The following MAPKAP1 variants were observed in gnomAD, a reference collection of about 807,000 sequenced individuals.
The protein encoded by MAPKAP1 is target of rapamycin complex 2 subunit MAPKAP1.
A neutral mutation model predicts 65.7 loss-of-function variants in MAPKAP1; 20 were observed. The observed-to-expected ratio is 0.30, with a 90% CI of 0.21 to 0.44. The LOEUF (loss-of-function observed/expected upper bound fraction) is 0.44, where lower values mean the gene tolerates loss of function less well. Among genes scored for constraint, MAPKAP1 ranks in the 20% least tolerant of loss-of-function variants. MAPKAP1 has a pLI of 1.00. For synonymous variants in MAPKAP1, 222 were observed against 244.3 expected, an observed-to-expected ratio of 0.91 and a Z score of 0.85; for missense variants, 423 against 648.0, an observed-to-expected ratio of 0.65 and a Z score of 3.77.
chr9:125,660,785 A>C (rs1834162363), intron 3 of MAPKAP1, among the ~76,000 whole-genome samples: 1 of 152,092 alleles, frequency 6.6e-6, no homozygotes, highest in Non-Finnish European at 1.5e-5. Context: ...TGTTATCATC[A>C]CCTTAAAACC....
At chr9:125,609,784 T>C (rs1832547319) in intron 4 of MAPKAP1, among the ~76,000 whole-genome samples, 1 of 152,226 alleles carries the variant, frequency 6.6e-6, no homozygotes, top group Non-Finnish European at 1.5e-5. Context: ...TGTTTCACAT[T>C]TAACACTCTA....
rs2132935291 is a variant in MAPKAP1 at position 125,447,524 on chromosome 9, C to T, written c.1346-2926G>A. The T allele has an allele frequency of 2.2e-6, 1 of 456,318 alleles. No homozygotes were observed. Among genetic ancestry groups the T allele is most frequent in the African/African-American group, 2.0e-5 (1 of 50,160 alleles). The allele number at this position is 456,318 out of a possible 1,614,324, so 28.3% of individuals were successfully genotyped here. A position where few individuals can be genotyped will look rare whatever the true frequency, so the allele number is the denominator to read the frequency against. On this transcript the variant is annotated intron_variant, in intron 10 of 11. Coordinates refer to ENST00000265960, the MANE Select transcript of MAPKAP1 (RefSeq NM_001006617.3). This position sits in a 1 kb window ranked among gnomAD's most constrained non-coding sequence, Gnocchi z 4.5. ...GGGCAGGTTAAGATCAGCAGCCATG[C>T]TGGGCCATAGGACATGGGGCGGACT...
chr9:125,606,710 T>C (rs1220274791), intron 4 of MAPKAP1, among the ~76,000 whole-genome samples: 1 of 152,196 alleles, frequency 6.6e-6, no homozygotes, highest in Non-Finnish European at 1.5e-5. Flanking sequence ...TAGCCAACAC[T>C]GCAGATGCTG....
chr9:125,665,818 A>AG (rs1366723462), intron 3 of MAPKAP1, among the ~76,000 whole-genome samples: 1 of 152,228 alleles, frequency 6.6e-6, no homozygotes, highest in Admixed American at 6.5e-5. Context: ...AACCAATAAT[A>AG]GAAGTTACAC....
intron 1 of MAPKAP1, among the ~76,000 whole-genome samples, chr9:125,687,857 T>C (rs1226487039): frequency 6.6e-6 from 1 of 152,214 alleles, no homozygotes; most frequent in Admixed American, 6.5e-5. Context: ...TATTACTGAC[T>C]TTTCCTATTC....
chr9:125,703,434 A>G (rs1810674834), intron 1 of MAPKAP1, among the ~76,000 whole-genome samples: 2 of 152,182 alleles, frequency 1.3e-5, no homozygotes, highest in Admixed American at 1.3e-4. Flanking sequence ...CTTCACAAAA[A>G]CTTCGAACTC....
At chr9:125,665,840 T>C (rs949667284) in intron 3 of MAPKAP1, among the ~76,000 whole-genome samples, 1 of 152,206 alleles carries the variant, frequency 6.6e-6, no homozygotes, top group African/African-American at 2.4e-5. Context: ...AAACTTCAGG[T>C]ACATGTAAAT....
intron 7 of MAPKAP1, among the ~76,000 whole-genome samples, chr9:125,527,648 TG>T (rs939013654): frequency 1.3e-5 from 2 of 152,190 alleles, no homozygotes; most frequent in African/African-American, 4.8e-5. Flanking sequence ...ACACGTCCTT[TG>T]GAAAGTGAGT....
intron 9 of MAPKAP1, among the ~76,000 whole-genome samples, chr9:125,482,290 C>A (rs932390641): frequency 1.3e-5 from 2 of 152,168 alleles, no homozygotes; most frequent in African/African-American, 4.8e-5. Flanking sequence ...TTCCCAGAAG[C>A]CCTTCTCCAG....
At chr9:125,473,796 T>C (rs1162503929) in intron 9 of MAPKAP1, among the ~76,000 whole-genome samples, 3 of 152,216 alleles carry the variant, frequency 2.0e-5, no homozygotes, top group Non-Finnish European at 2.9e-5. Flanking sequence ...TAGCCTATCT[T>C]ACATTTAAAG....
chr9:125,544,165 C>G (rs572303082), intron 6 of MAPKAP1, among the ~76,000 whole-genome samples: 1 of 152,058 alleles, frequency 6.6e-6, no homozygotes, highest in Non-Finnish European at 1.5e-5. Context: ...CGCCTGCCAC[C>G]GTGCCTGGCT....
At chr9:125,650,323 C>T (rs1833857347) in intron 4 of MAPKAP1, 1 of 152,210 alleles carries the variant, frequency 6.6e-6, no homozygotes, top group Admixed American at 6.5e-5. Context: ...CAAGGCTTCC[C>T]CGTGCCATGA....
At chr9:125,539,359 T>C (rs1830172301) in intron 7 of MAPKAP1, among the ~76,000 whole-genome samples, 2 of 152,226 alleles carry the variant, frequency 1.3e-5, no homozygotes, top group Admixed American at 6.5e-5. Context: ...ATCACCTCTA[T>C]TTCATAATGA....
Position 125,672,329 on chromosome 9 carries a change from T to C in MAPKAP1, c.246A>G (p.Arg82=). ...CACAATGTTTACCTGTGTTTGAGCGTCTTCTAATACCAAAGTCCCAACTTG... is the reference window on the plus strand; with the variant it reads ...CACAATGTTTACCTGTGTTTGAGCGCCTTCTAATACCAAAGTCCCAACTTG... ...ITSSWDFGIR[R]RSNTAQRLER... Residue 82 remains arginine, a synonymous_variant, in exon 2 of 12, where the codon AGA becomes AGG. Coordinates refer to ENST00000265960, the MANE Select transcript of MAPKAP1 (RefSeq NM_001006617.3). 6.2e-7 allele frequency: 1 copy of C among 1,614,152 alleles called. No individual in the cohort carries two copies. The highest frequency in any genetic ancestry group is 8.5e-7 in the Non-Finnish European group (1 of 1,180,012).
intron 9 of MAPKAP1, chr9:125,471,121 G>GCGCAGGCAGCAC (rs1554807070): frequency 6.6e-6 from 1 of 152,224 alleles, no homozygotes; most frequent in Non-Finnish European, 1.5e-5. Flanking sequence ...TCTTAAGGCA[G>GCGCAGGCAGCAC]CGCAGGCAGC....
At chr9:125,614,281 T>C (rs1832683901) in intron 4 of MAPKAP1, among the ~76,000 whole-genome samples, 1 of 151,960 alleles carries the variant, frequency 6.6e-6, no homozygotes, top group Non-Finnish European at 1.5e-5. Context: ...GCTGAGTTTA[T>C]TGTATCAAAT....
rs191186827 is a variant in MAPKAP1 at position 125,479,502 on chromosome 9, C to T, written c.1207+4941G>A. 1.2e-3 allele frequency among the ~76,000 whole-genome samples: 177 copies of T among 152,108 alleles called. 1 individual carries two copies. The Middle Eastern group carries it at 0.027, about 23-fold the overall frequency. On this transcript the variant is annotated intron_variant, in intron 9 of 11. Coordinates refer to ENST00000265960, the MANE Select transcript of MAPKAP1 (RefSeq NM_001006617.3). Reference sequence around the variant, plus strand: ...GGCTGAGGCAGAAGAATTGCTTGAACCCGGGAGGCGGAGGTTGCAGTGAGC... The same window carrying T: ...GGCTGAGGCAGAAGAATTGCTTGAATCCGGGAGGCGGAGGTTGCAGTGAGC...
intron 4 of MAPKAP1, among the ~76,000 whole-genome samples, chr9:125,624,383 T>G (rs1169126923): frequency 1.1e-4 from 5 of 45,384 alleles, no homozygotes; most frequent in Non-Finnish European, 1.4e-4. Flanking sequence ...GGGAGGGAGG[T>G]GGGGGGGTCG....
intron 5 of MAPKAP1, among the ~76,000 whole-genome samples, chr9:125,562,803 G>A (rs1830929997): frequency 6.6e-6 from 1 of 152,152 alleles, no homozygotes; most frequent in Non-Finnish European, 1.5e-5. Context: ...AGATAACTGA[G>A]CCTCAATAGG....
Sources: allele counts gnomAD v4.1 joint callset (sites outside exome capture counted in the v4.1 genomes callset), GRCh38; gene constraint gnomAD v4.1.1; non-coding constraint Gnocchi (gnomAD v3.1); transcripts MANE v1.5; gene names NCBI Gene and HGNC (gene_info 2026-07-23, HGNC 2026-07-21).